Variants in CDKN3 observed in about 807,000 individuals in gnomAD.
CDKN3 encodes the protein cyclin dependent kinase inhibitor 3, also known as cyclin-dependent kinase inhibitor 3.
Under a neutral mutation model 36.1 loss-of-function variants are expected in CDKN3, and 19 were observed. That is an observed-to-expected ratio of 0.53 (90% CI 0.37 to 0.77). The LOEUF is 0.77. CDKN3 is among the 30% of genes least tolerant of loss of function. CDKN3 has a pLI of 0.00. For missense variants in CDKN3, 188 were observed against 248.6 expected, an observed-to-expected ratio of 0.76 and a Z score of 1.64; for synonymous variants, 71 against 85.3, an observed-to-expected ratio of 0.83 and a Z score of 0.92.
rs569523535 is a variant in CDKN3 at position 54,397,007 on chromosome 14, A to C, written c.-62A>C. The C allele has an allele frequency of 1.8e-4, 261 of 1,431,902 alleles. No homozygotes were observed. The African/African-American group carries it at 3.7e-3, about 20-fold the overall frequency. 88.7% of individuals were successfully genotyped at this position (1,431,902 alleles called of 1,614,324 possible). A position where few individuals can be genotyped will look rare whatever the true frequency, so the allele number is the denominator to read the frequency against. On this transcript the variant is annotated 5_prime_UTR_variant, in exon 1 of 8. Coordinates refer to ENST00000335183, the MANE Select transcript of CDKN3 (RefSeq NM_005192.4). ...TGCGGGGCGCGGGCTCGGCCGGGGC[A>C]CCGGTGAGTCGCCGGCGCTGCAGAG...
intron 3 of CDKN3, among the ~76,000 whole-genome samples, chr14:54,406,339 G>T (rs1387474255): frequency 6.6e-6 from 1 of 152,144 alleles, no homozygotes; most frequent in Non-Finnish European, 1.5e-5. Flanking sequence ...TTCTCGTGGA[G>T]TATCTTTGTG....
At chr14:54,409,941 G>A (rs1345805308) in intron 4 of CDKN3, among the ~76,000 whole-genome samples, 2 of 151,442 alleles carry the variant, frequency 1.3e-5, no homozygotes, top group Non-Finnish European at 2.9e-5. Context: ...CTTAAAGACA[G>A]TAATAGATAG....
At chr14:54,405,513 C>T (rs982347285) in intron 3 of CDKN3, among the ~76,000 whole-genome samples, 1 of 152,054 alleles carries the variant, frequency 6.6e-6, no homozygotes, top group East Asian at 1.9e-4. Context: ...GCTTTATGAA[C>T]CTGGGTGCTT....
intron 4 of CDKN3, among the ~76,000 whole-genome samples, chr14:54,409,613 G>A (rs551001355): frequency 5.9e-5 from 9 of 152,078 alleles, no homozygotes; most frequent in African/African-American, 7.2e-5. Context: ...CGGGTTGATC[G>A]CTTGAGCTCA....
At chr14:54,413,673 A>G in intron 5 of CDKN3, 1 of 1,535,368 alleles carries the variant, frequency 6.5e-7, no homozygotes, top group Non-Finnish European at 8.7e-7. Flanking sequence ...GAGGACCCAC[A>G]CTTCTAGACA....
chr14:54,410,503 G>A (rs2030312699), intron 4 of CDKN3, among the ~76,000 whole-genome samples: 1 of 152,138 alleles, frequency 6.6e-6, no homozygotes, highest in African/African-American at 2.4e-5. Flanking sequence ...CCATAAAGAA[G>A]TCCTAGTGTA....
intron 1 of CDKN3, 25 bp from the exon 2 acceptor site, chr14:54,399,869 A>T (rs1886425056): frequency 2.3e-6 from 3 of 1,279,918 alleles, no homozygotes; most frequent in Non-Finnish European, 1.1e-6. Context: ...CTTTACAGTT[A>T]TTTAACATAA....
chr14:54,415,336 TATTGCTATCACC>T (rs2030500845), intron 5 of CDKN3, among the ~76,000 whole-genome samples: 2 of 152,356 alleles, frequency 1.3e-5, no homozygotes, highest in South Asian at 4.1e-4. Context: ...ATGTACATAC[TATTGCTATCACC>T]ATTTTAAAGG....
At chr14:54,412,576 CAAA>C (rs1353384463) in intron 5 of CDKN3, among the ~76,000 whole-genome samples, 1 of 151,776 alleles carries the variant, frequency 6.6e-6, no homozygotes, top group Non-Finnish European at 1.5e-5. Flanking sequence ...AAGTTTAAAA[CAAA>C]AGAAGATGGG....
chr14:54,408,370 C>G (rs937235322), intron 3 of CDKN3, among the ~76,000 whole-genome samples: 1 of 152,214 alleles, frequency 6.6e-6, no homozygotes, highest in Non-Finnish European at 1.5e-5. Context: ...ACACACTTTG[C>G]GAAGCCCTCA....
At position 54,418,462 on chromosome 14, in the gene CDKN3, C is replaced by T. The variant is rs1037957285; in HGVS notation, c.552+511C>T. 6.9e-6 allele frequency: 4 copies of T among 580,934 alleles called. No individual in the cohort carries two copies. In the Admixed American group the frequency reaches 9.4e-5, roughly 14 times the overall value. The allele number at this position is 580,934 out of a possible 1,614,324, so 36.0% of individuals were successfully genotyped here. A position where few individuals can be genotyped will look rare whatever the true frequency, so the allele number is the denominator to read the frequency against. On this transcript the variant is annotated intron_variant, in intron 7 of 7. Transcript: ENST00000335183. ...AGTAGATAACTGGGGACATCTTCCA[C>T]ATGTACATTCCCCTAACACTTCAAA...
At chr14:54,406,999 T>G (rs550470386) in intron 3 of CDKN3, among the ~76,000 whole-genome samples, 1 of 152,334 alleles carries the variant, frequency 6.6e-6, no homozygotes, top group East Asian at 1.9e-4. Flanking sequence ...TGGTCTTTGA[T>G]GTTGGTGACT....
intron 1 of CDKN3, among the ~76,000 whole-genome samples, chr14:54,397,531 C>T (rs563381926): frequency 6.6e-6 from 1 of 152,320 alleles, no homozygotes; most frequent in South Asian, 2.1e-4. Flanking sequence ...GTGGGCGACA[C>T]CACCGCTGTC....
chr14:54,412,865 C>T (rs777798796), intron 5 of CDKN3: 1 of 517,056 alleles, frequency 1.9e-6, no homozygotes, highest in Non-Finnish European at 3.9e-6. Flanking sequence ...AGTTTACGAC[C>T]TCAAAAGCCC....
intron 3 of CDKN3, chr14:54,408,462 C>A: frequency 3.3e-6 from 1 of 306,086 alleles, no homozygotes; most frequent in Non-Finnish European, 6.0e-6. Context: ...TTGTACTTTG[C>A]CAATCTTAAT....
chr14:54,411,308 G>A, intron 4 of CDKN3, 176 bp from the exon 5 acceptor site: 3 of 570,420 alleles, frequency 5.3e-6, no homozygotes. Context: ...GTAATATGAG[G>A]TTTAATTCTA....
intron 7 of CDKN3, chr14:54,418,417 C>T (rs1156948008): frequency 6.5e-6 from 4 of 619,374 alleles, no homozygotes; most frequent in Admixed American, 2.7e-5. Flanking sequence ...AAATGGAAAG[C>T]AGTGCTAATT....
chr14:54,413,754 G>A, intron 5 of CDKN3: 1 of 1,493,742 alleles, frequency 6.7e-7, no homozygotes, highest in Non-Finnish European at 8.9e-7. Flanking sequence ...TACCAGTGCT[G>A]TCTCACTGGT....
rs1886381269 is a variant in CDKN3, at chr14:54,398,427, TG to T, written c.9+1351del. Among the ~76,000 whole-genome samples the T allele has an allele frequency of 4.6e-5, 7 of 152,284 alleles. No individual in the cohort carries two copies. In the South Asian group the frequency reaches 1.5e-3, roughly 32 times the overall value. On this transcript the variant is annotated intron_variant, in intron 1 of 7. Coordinates refer to ENST00000335183, the MANE Select transcript of CDKN3 (RefSeq NM_005192.4). ...GATCTACCTGCCTGCCTGCAGAAGG[TG>T]CTTTCTGGTCCACTCTCTGGCACAC...
Sources: gnomAD v4.1 joint callset for allele counts (sites outside exome capture counted in the v4.1 genomes callset) on GRCh38, gnomAD v4.1.1 for gene constraint, MANE v1.5 for transcripts, NCBI Gene and HGNC (gene_info 2026-07-23, HGNC 2026-07-21) for gene names.